POC1B: variants seen among roughly 807,000 people sequenced by gnomAD.
POC1B encodes the protein POC1 centriolar protein B.
In POC1B, 44 loss-of-function variants were observed where a neutral mutation model predicts 60.6. The observed-to-expected ratio is 0.73, with a 90% CI of 0.57 to 0.93. The LOEUF (loss-of-function observed/expected upper bound fraction) is 0.93, where lower values mean the gene tolerates loss of function less well. POC1B is among the 40% of genes least tolerant of loss of function. The pLI, the probability that POC1B is intolerant of heterozygous loss-of-function variation, is 0.00. For missense variants in POC1B, 555 were observed against 572.3 expected (o/e 0.97, Z 0.31); for synonymous variants, 180 against 198.9 (o/e 0.90, Z 0.80).
intron 3 of POC1B, 86 bp from the exon 4 acceptor site, chr12:89,492,201 A>G: frequency 9.3e-7 from 1 of 1,073,588 alleles, no homozygotes; most frequent in Non-Finnish European, 1.3e-6. Flanking sequence ...GAAACATATA[A>G]AATAGTTTAA....
chr12:89,515,547 G>A (rs1870402521), intron 2 of POC1B, among the ~76,000 whole-genome samples: 1 of 152,156 alleles, frequency 6.6e-6, no homozygotes, highest in South Asian at 2.1e-4. Flanking sequence ...TTTAAGTGGA[G>A]GTGTGAAGGA....
At chr12:89,422,176 T>C (rs1880567235) in intron 11 of POC1B, among the ~76,000 whole-genome samples, 1 of 152,172 alleles carries the variant, frequency 6.6e-6, no homozygotes, top group Non-Finnish European at 1.5e-5. Flanking sequence ...AACTAGACTC[T>C]GCCAGCCACC....
At chr12:89,442,367 T>A (rs574884948) in intron 10 of POC1B, among the ~76,000 whole-genome samples, 1 of 152,258 alleles carries the variant, frequency 6.6e-6, no homozygotes, top group South Asian at 2.1e-4. Context: ...AAGGTCAGGT[T>A]ACCCACAAAG....
At chr12:89,498,012 C>G (rs757933749) in intron 2 of POC1B, among the ~76,000 whole-genome samples, 45 of 152,146 alleles carry the variant, frequency 3.0e-4, no homozygotes, top group Non-Finnish European at 4.0e-4. Context: ...TTCCTAAATA[C>G]TTCAGTGTGT....
At chr12:89,469,204 G>A (rs1012728492) in intron 7 of POC1B, among the ~76,000 whole-genome samples, 5 of 152,136 alleles carry the variant, frequency 3.3e-5, no homozygotes, top group African/African-American at 1.2e-4. Context: ...AGGTTACAGT[G>A]AGCCGAGATT....
chr12:89,464,636 C>T (rs528578397), intron 9 of POC1B, among the ~76,000 whole-genome samples: 3 of 150,980 alleles, frequency 2.0e-5, no homozygotes, highest in Admixed American at 6.6e-5. Context: ...TATAGGCACG[C>T]GCCACCACAC....
downstream of POC1B, among the ~76,000 whole-genome samples, chr12:89,419,135 A>G (rs1417977337): frequency 6.6e-6 from 1 of 151,938 alleles, no homozygotes; most frequent in Non-Finnish European, 1.5e-5. Context: ...CCAGGAAAGA[A>G]GCTGCTAGTG....
chr12:89,408,219 G>C, the POC1B span, among the ~76,000 whole-genome samples: 316 of 152,224 alleles, frequency 2.1e-3, 3 homozygotes, highest in Non-Finnish European at 1.5e-4. Context: ...ATGGGCATTT[G>C]GGTTGGTTCC....
At chr12:89,494,535 G>A (rs1869146472) in intron 3 of POC1B, among the ~76,000 whole-genome samples, 1 of 152,094 alleles carries the variant, frequency 6.6e-6, no homozygotes, top group Non-Finnish European at 1.5e-5. Context: ...GTGAGAGGAG[G>A]TGTTGTGACT....
chr12:89,496,391 T>C (rs897350879), intron 3 of POC1B, among the ~76,000 whole-genome samples: 1 of 152,058 alleles, frequency 6.6e-6, no homozygotes, highest in Non-Finnish European at 1.5e-5. Context: ...AAATGATATG[T>C]AGGATTTTTT....
intron 10 of POC1B, among the ~76,000 whole-genome samples, chr12:89,458,019 TG>T (rs1441923833): frequency 1.3e-5 from 2 of 152,312 alleles, no homozygotes; most frequent in East Asian, 3.9e-4. Context: ...TAGCACTGTC[TG>T]TCAAAACTGT....
the POC1B span, among the ~76,000 whole-genome samples, chr12:89,408,980 T>C: frequency 1.3e-5 from 2 of 152,250 alleles, no homozygotes; most frequent in African/African-American, 4.8e-5. Context: ...TGTTTTTTTC[T>C]TGAAAATTTG....
chr12:89,418,206 C>G (rs1029705712), downstream of POC1B, among the ~76,000 whole-genome samples: 1 of 152,132 alleles, frequency 6.6e-6, no homozygotes, highest in African/African-American at 2.4e-5. Context: ...GGCATTGATG[C>G]CTGAGGGCAG....
chr12:89,482,952 T>G (rs530046117), intron 4 of POC1B, among the ~76,000 whole-genome samples: 30 of 151,748 alleles, frequency 2.0e-4, no homozygotes, highest in Non-Finnish European at 3.5e-4. Context: ...GAGATGGAGT[T>G]TCGCTCTTGT....
intron 4 of POC1B, among the ~76,000 whole-genome samples, chr12:89,490,812 G>A (rs1000118267): frequency 6.6e-6 from 1 of 152,156 alleles, no homozygotes; most frequent in East Asian, 1.9e-4. Flanking sequence ...TCCTGACTTT[G>A]CTGCGTCAAA....
chr12:89,462,575 T>C (rs1882520677), intron 9 of POC1B, among the ~76,000 whole-genome samples: 1 of 152,232 alleles, frequency 6.6e-6, no homozygotes, highest in African/African-American at 2.4e-5. Flanking sequence ...TATGCCCATC[T>C]TGTTCACTGC....
chr12:89,480,546 G>A (rs1016780729), intron 4 of POC1B, among the ~76,000 whole-genome samples: 12 of 146,790 alleles, frequency 8.2e-5, no homozygotes, highest in African/African-American at 2.3e-4. Context: ...TCAGCCTCCC[G>A]AGTAGCTGGG....
At chr12:89,411,441 A>G in the POC1B span, among the ~76,000 whole-genome samples, 1 of 152,208 alleles carries the variant, frequency 6.6e-6, no homozygotes, top group African/African-American at 2.4e-5. Flanking sequence ...GCCCTTGGGA[A>G]TGGGCTGAGC....
intron 2 of POC1B, chr12:89,521,939 C>T: frequency 2.5e-6 from 1 of 398,694 alleles, no homozygotes; most frequent in Non-Finnish European, 4.4e-6. Flanking sequence ...TTCAGAGAGG[C>T]TTCAATTGTG....
Sources: gnomAD v4.1 joint callset for allele counts (sites outside exome capture counted in the v4.1 genomes callset) on GRCh38, gnomAD v4.1.1 for gene constraint, MANE v1.5 for transcripts, NCBI Gene and HGNC (gene_info 2026-07-23, HGNC 2026-07-21) for gene names.